Variants in ANKS1B observed in about 807,000 individuals in gnomAD.
The protein encoded by ANKS1B is ankyrin repeat and sterile alpha motif domain containing 1B.
ANKS1B carries 36 observed loss-of-function variants against 148.3 expected under a neutral mutation model. The ratio of observed to expected loss-of-function variants is 0.24; its 90% CI spans 0.19 to 0.32. ANKS1B has a LOEUF of 0.32. Among genes scored for constraint, ANKS1B ranks in the 10% least tolerant of loss-of-function variants. The probability of loss-of-function intolerance (pLI) is 1.00; values close to 1 mark genes in which losing one functional copy is unlikely to be tolerated. For synonymous variants in ANKS1B, 542 were observed against 560.8 expected (o/e 0.97, Z 0.47); for missense variants, 1,157 against 1,542.6 (o/e 0.75, Z 4.19).
intron 1 of ANKS1B, among the ~76,000 whole-genome samples, chr12:99,934,802 C>T (rs2094717033): frequency 6.6e-6 from 1 of 152,046 alleles, no homozygotes; most frequent in Admixed American, 6.6e-5. Flanking sequence ...TCAAACATCT[C>T]ACAATGAAGA....
intron 1 of ANKS1B, among the ~76,000 whole-genome samples, chr12:99,953,970 G>A (rs2095272914): frequency 6.6e-6 from 1 of 152,146 alleles, no homozygotes; most frequent in African/African-American, 2.4e-5. Flanking sequence ...GGGGTTTGTG[G>A]GGGAGGCGGT....
intron 14 of ANKS1B, among the ~76,000 whole-genome samples, chr12:99,218,922 C>A (rs1019673074): frequency 1.3e-5 from 2 of 152,194 alleles, no homozygotes; most frequent in Non-Finnish European, 2.9e-5. Flanking sequence ...CACCTCCTAA[C>A]CATTTTCTGA....
At position 99,984,503 on chromosome 12, in the gene ANKS1B, C is replaced by T. The variant is rs1244437028; in HGVS notation, c.-266G>A. 2.6e-6 allele frequency: 1 copy of T among 392,052 alleles called. No individual in the cohort carries two copies. Among genetic ancestry groups the T allele is most frequent in the African/African-American group, 2.0e-5 (1 of 50,052 alleles). 24.3% of individuals were successfully genotyped at this position (392,052 alleles called of 1,614,324 possible). A position where few individuals can be genotyped will look rare whatever the true frequency, so the allele number is the denominator to read the frequency against. On this transcript the variant is annotated 5_prime_UTR_variant, in exon 1 of 27. Coordinates refer to ENST00000683438, the MANE Select transcript of ANKS1B (RefSeq NM_001352186.2). ...CGCGACGCGCCCCCACAGCCACTCC[C>T]CTGAATTCCCAAGGCCTCGTTCCCG...
chr12:99,519,963 ACTTTG>A (rs2096858804), intron 9 of ANKS1B, among the ~76,000 whole-genome samples: 1 of 152,076 alleles, frequency 6.6e-6, no homozygotes, highest in Admixed American at 6.6e-5. Flanking sequence ...CTACACTTTA[ACTTTG>A]TCTGCCTGCT....
chr12:99,114,790 A>C (rs1436798908), intron 15 of ANKS1B, among the ~76,000 whole-genome samples: 1 of 152,116 alleles, frequency 6.6e-6, no homozygotes, highest in African/African-American at 2.4e-5. Context: ...AAATAAACAA[A>C]TAACTCCATT....
At position 99,055,726 on chromosome 12, in the gene ANKS1B, G is replaced by GT. The variant is rs371341729; in HGVS notation, c.2626-2418_2626-2417insA. On this transcript the variant is annotated intron_variant, in intron 16 of 26. Coordinates refer to ENST00000683438, the MANE Select transcript of ANKS1B (RefSeq NM_001352186.2). ...CCTTAGGGGAAGTCTAAACTTGGGG[G>GT]GGGGGGAGGTGGTGAGGAAAATAAA... 5.9e-4 allele frequency among the ~76,000 whole-genome samples: 89 copies of GT among 150,514 alleles called. 1 individual carries two copies. The highest frequency in any genetic ancestry group is 2.1e-3 in the African/African-American group (86 of 40,836).
At chr12:99,367,871 T>C (rs918491879) in intron 12 of ANKS1B, among the ~76,000 whole-genome samples, 2 of 152,126 alleles carry the variant, frequency 1.3e-5, no homozygotes, top group Admixed American at 6.6e-5. Context: ...AAGTAGGGAA[T>C]AGATGGAAAG....
intron 8 of ANKS1B, among the ~76,000 whole-genome samples, chr12:99,734,868 C>G (rs987764126): frequency 6.6e-6 from 1 of 152,122 alleles, no homozygotes. Flanking sequence ...CTTAACCAAG[C>G]CTTTCTCTAG....
intron 10 of ANKS1B, among the ~76,000 whole-genome samples, chr12:99,470,907 T>A (rs926878577): frequency 6.6e-6 from 1 of 152,158 alleles, no homozygotes; most frequent in African/African-American, 2.4e-5. Flanking sequence ...TATTACCATA[T>A]GAACATATAT....
intron 9 of ANKS1B, among the ~76,000 whole-genome samples, chr12:99,507,369 A>T (rs1400122160): frequency 6.6e-6 from 1 of 151,962 alleles, no homozygotes; most frequent in Non-Finnish European, 1.5e-5. Context: ...ATCACAAAGC[A>T]TGGGTTAATT....
At chr12:99,036,866 C>T (rs1849841970) in intron 17 of ANKS1B, among the ~76,000 whole-genome samples, 1 of 152,130 alleles carries the variant, frequency 6.6e-6, no homozygotes, top group South Asian at 2.1e-4. Flanking sequence ...TGACAAAGCC[C>T]TCTATATGAA....
chr12:99,163,381 C>T (rs1298608175), intron 14 of ANKS1B, among the ~76,000 whole-genome samples: 2 of 151,798 alleles, frequency 1.3e-5, no homozygotes, highest in Non-Finnish European at 2.9e-5. Flanking sequence ...ATGACTTTAG[C>T]ACAGTATCAC....
At position 99,580,395 on chromosome 12, in the gene ANKS1B, A is replaced by G. The variant is rs138257894; in HGVS notation, c.1272+74672T>C. 1.5e-3 allele frequency among the ~76,000 whole-genome samples: 225 copies of G among 152,322 alleles called. 2 individuals are homozygous for G. The highest frequency in any genetic ancestry group is 6.8e-3 in the Middle Eastern group (2 of 294). ...AATTAAAATTAATAAAATCATTTAT[A>G]ATATGTTCAAAAATATGACCTATTA... On this transcript the variant is annotated intron_variant, in intron 9 of 26. Transcript: ENST00000683438.
At chr12:99,880,752 T>C (rs2092428857) in intron 1 of ANKS1B, among the ~76,000 whole-genome samples, 1 of 152,216 alleles carries the variant, frequency 6.6e-6, no homozygotes, top group Non-Finnish European at 1.5e-5. Context: ...TAAGTCTATC[T>C]TCTTTGCATG....
intron 17 of ANKS1B, among the ~76,000 whole-genome samples, chr12:98,968,676 G>A (rs1158791383): frequency 6.6e-6 from 1 of 151,984 alleles, no homozygotes; most frequent in Non-Finnish European, 1.5e-5. Context: ...AATGACAGAG[G>A]CCTCTTGGTT....
At chr12:99,224,891 GT>G (rs1366651010) in intron 14 of ANKS1B, among the ~76,000 whole-genome samples, 1 of 152,058 alleles carries the variant, frequency 6.6e-6, no homozygotes, top group Non-Finnish European at 1.5e-5. Flanking sequence ...CAACATTACT[GT>G]TACATAAAAA....
At chr12:99,005,096 C>T (rs570236515) in intron 17 of ANKS1B, among the ~76,000 whole-genome samples, 15 of 152,112 alleles carry the variant, frequency 9.9e-5, no homozygotes, top group South Asian at 2.1e-4. Flanking sequence ...CTGTAACAAA[C>T]GAGAAAATGA....
chr12:99,153,311 A>G (rs973638559), intron 15 of ANKS1B, among the ~76,000 whole-genome samples: 1 of 152,134 alleles, frequency 6.6e-6, no homozygotes, highest in Non-Finnish European at 1.5e-5. Context: ...TGTCAGCCCT[A>G]TTACTGTATT....
rs2097448315 is a variant in ANKS1B at position 99,570,830 on chromosome 12, T to C, written c.1273-66189A>G. ...CAATGTACGTACTTTAGAGATCAAT[T>C]GTTAAAGATAGGTTTAATAATATAT... is the stretch of plus-strand genomic sequence containing the variant. On this transcript the variant is annotated intron_variant, in intron 9 of 26. Transcript: ENST00000683438. 2.6e-5 allele frequency among the ~76,000 whole-genome samples: 4 copies of C among 152,224 alleles called. No individual in the cohort carries two copies. The South Asian group carries it at 8.3e-4, about 32-fold the overall frequency.
Sources: gnomAD v4.1 joint callset for allele counts (sites outside exome capture counted in the v4.1 genomes callset) on GRCh38, gnomAD v4.1.1 for gene constraint, MANE v1.5 for transcripts, NCBI Gene and HGNC (gene_info 2026-07-23, HGNC 2026-07-21) for gene names.